The following PPP1R9B variants were observed in gnomAD, a reference collection of about 807,000 sequenced individuals.
The protein encoded by PPP1R9B is protein phosphatase 1 regulatory subunit 9B.
In PPP1R9B, 17 loss-of-function variants were observed where a neutral mutation model predicts 75.8. The ratio of observed to expected loss-of-function variants is 0.22; its 90% CI spans 0.15 to 0.34. The LOEUF (loss-of-function observed/expected upper bound fraction) is 0.34. Among genes scored for constraint, PPP1R9B ranks in the 10% least tolerant of loss-of-function variants. The probability of loss-of-function intolerance (pLI) is 1.00; values close to 1 mark genes in which losing one functional copy is unlikely to be tolerated. For missense variants in PPP1R9B, 875 were observed against 1,196.0 expected (o/e 0.73, Z 3.96); for synonymous variants, 509 against 535.4 (o/e 0.95, Z 0.68).
intron 3 of PPP1R9B, among the ~76,000 whole-genome samples, chr17:50,143,305 C>T (rs761645306): frequency 6.6e-6 from 1 of 152,200 alleles, no homozygotes; most frequent in Non-Finnish European, 1.5e-5. Flanking sequence ...AGGGCCCAAA[C>T]TGTACTCCAG....
chr17:50,145,189 G>A lies in PPP1R9B; in HGVS notation c.1428C>T (p.Pro476=), dbSNP rs1028448267. The A allele has an allele frequency of 3.1e-6, 5 of 1,613,918 alleles. No homozygotes were observed. In the African/African-American group the frequency reaches 4.0e-5, roughly 13 times the overall value. ...DYDRRNEDVD[P]MAASAEYELE... is the part of the protein sequence containing the mutation. ...GCTCGTACTCAGCAGAGGCTGCCAT[G>A]GGATCCACATCCTCGTTGCGACGAT... Residue 476 remains proline, a synonymous_variant, in exon 2 of 10, where the codon CCC becomes CCT. Coordinates refer to ENST00000612501, the MANE Select transcript of PPP1R9B (RefSeq NM_032595.5).
Position 50,136,119 on chromosome 17 carries a change from C to A in PPP1R9B, c.2152G>T (p.Glu718Ter). The change falls in exon 8 of 10, where the codon GAG becomes TAG. Residue 718 changes from glutamate (E) to a stop codon, truncating the protein, a stop_gained. Transcript: ENST00000612501. LOFTEE classifies it high-confidence loss of function. ...QLEQSVEENK[E>*]RMEKLEGYWG... is the part of the protein sequence containing the mutation. ...TAGCCTTCCAGTTTCTCCATGCGCTCCTTGTTCTCCTCCACACTCTGCTCC... is the reference window on the plus strand; with the variant it reads ...TAGCCTTCCAGTTTCTCCATGCGCTACTTGTTCTCCTCCACACTCTGCTCC... 6.2e-7 allele frequency: 1 copy of A among 1,609,042 alleles called. No homozygotes were observed.
chr17:50,141,403 C>A (rs1912373810), intron 3 of PPP1R9B, 30 bp from the exon 4 acceptor site: 5 of 1,491,992 alleles, frequency 3.4e-6, no homozygotes, highest in Non-Finnish European at 4.6e-6. Flanking sequence ...TAAGGGGTCA[C>A]AGGGGAACCG....
intron 3 of PPP1R9B, 48 bp from the exon 4 acceptor site, chr17:50,141,421 A>C: frequency 3.0e-6 from 4 of 1,325,216 alleles, no homozygotes; most frequent in Non-Finnish European, 4.2e-6. Context: ...CCGAGGAGCG[A>C]GGGTAGAGGT....
rs532244325 is a variant in PPP1R9B, at chr17:50,133,905, G to C, written c.*1426C>G. On this transcript the variant is annotated 3_prime_UTR_variant, in exon 10 of 10. Coordinates refer to ENST00000612501, the MANE Select transcript of PPP1R9B (RefSeq NM_032595.5). ...GAAGCGGCCCCGCCCACCCGGTTCC[G>C]CCCCCTCCATCTGCCGGGGTGAAGT... 7.3e-5 allele frequency: 11 copies of C among 151,122 alleles called. No individual in the cohort carries two copies. Among genetic ancestry groups the C allele is most frequent in the African/African-American group, 2.7e-4 (11 of 41,306 alleles). The allele number at this position is 151,122 out of a possible 1,614,324, so 9.4% of individuals were successfully genotyped here. A position where few individuals can be genotyped will look rare whatever the true frequency, so the allele number is the denominator to read the frequency against.
chr17:50,147,911 C>G (rs1912556533), intron 1 of PPP1R9B, among the ~76,000 whole-genome samples: 1 of 152,098 alleles, frequency 6.6e-6, no homozygotes, highest in Admixed American at 6.5e-5. Context: ...CTTCAGAGTC[C>G]AGGAGTAGTT....
chr17:50,135,875 C>T, intron 8 of PPP1R9B, 93 bp downstream of exon 8: 3 of 1,070,204 alleles, frequency 2.8e-6, no homozygotes, highest in Non-Finnish European at 4.0e-6. Flanking sequence ...AACTTCTGTG[C>T]CTCCCTACTC....
At chr17:50,141,209 C>T (rs568062485) in intron 4 of PPP1R9B, 60 bp downstream of exon 4, 279 of 1,121,840 alleles carry the variant, frequency 2.5e-4, no homozygotes, top group Non-Finnish European at 3.4e-4. Context: ...GGCAGGTGAA[C>T]GGAGTGCCTG....
chr17:50,144,824 G>C (rs1266581398), intron 2 of PPP1R9B, among the ~76,000 whole-genome samples: 1 of 152,198 alleles, frequency 6.6e-6, no homozygotes, highest in African/African-American at 2.4e-5. Context: ...CCCCAACACA[G>C]AGCCCAGGAC....
intron 8 of PPP1R9B, 141 bp downstream of exon 8, chr17:50,135,827 G>T: frequency 2.3e-6 from 2 of 865,114 alleles, no homozygotes; most frequent in Non-Finnish European, 3.5e-6. Context: ...CTGATGCCTG[G>T]TCATTCCGGA....
At position 50,133,792 on chromosome 17, in the gene PPP1R9B, C is replaced by T. The variant is rs898069180; in HGVS notation, c.*1539G>A. ...ACAGAGGGCATGGTCCGTACAAAAC[C>T]GGGAACAATACATACATATATATAT... On this transcript the variant is annotated 3_prime_UTR_variant, in exon 10 of 10. Transcript: ENST00000612501. 5 of 152,232 alleles carry T rather than the reference C, an allele frequency of 3.3e-5. No individual in the cohort carries two copies. Among genetic ancestry groups the T allele is most frequent in the South Asian group, 2.1e-4 (1 of 4,834 alleles). 9.4% of individuals were successfully genotyped at this position (152,232 alleles called of 1,614,324 possible).
At chr17:50,140,872 C>T (rs892128850) in intron 4 of PPP1R9B, among the ~76,000 whole-genome samples, 8 of 152,070 alleles carry the variant, frequency 5.3e-5, no homozygotes, top group African/African-American at 1.7e-4. Flanking sequence ...GGAGTCTTCC[C>T]AGGATGACAT....
At chr17:50,148,274 C>A (rs570490193) in intron 1 of PPP1R9B, among the ~76,000 whole-genome samples, 1 of 152,370 alleles carries the variant, frequency 6.6e-6, no homozygotes, top group African/African-American at 2.4e-5. Flanking sequence ...GCTCCCATCC[C>A]TCTTTCAGGG....
intron 8 of PPP1R9B, 127 bp downstream of exon 8, chr17:50,135,841 G>T: frequency 1.1e-6 from 1 of 894,342 alleles, no homozygotes; most frequent in East Asian, 2.6e-5. Context: ...TTCCGGACCG[G>T]GTGTCCCCAC....
chr17:50,149,285 A>G lies in PPP1R9B; in HGVS notation c.1229T>C (p.Leu410Pro). The change falls in exon 1 of 10, where the codon CTG becomes CCG. Residue 410 changes from leucine to proline, a missense_variant. By Grantham distance (98) the Leu-to-Pro change is moderately conservative. Transcript: ENST00000612501. This position sits in a 1 kb window ranked among gnomAD's most constrained non-coding sequence, Gnocchi z 7.2. ...GLGEDSAGSA[L>P]EEDDEDDEED... ...CTCGTCGTCTTCGTCGTCCTCCTCC[A>G]GGGCACTGCCCGCAGAGTCCTCCCC... is the stretch of plus-strand genomic sequence containing the variant. 1 of 1,612,302 alleles carries G rather than the reference A, an allele frequency of 6.2e-7. No homozygotes were observed. The highest frequency in any genetic ancestry group is 8.5e-7 in the Non-Finnish European group (1 of 1,179,464).
chr17:50,136,920 C>T (rs1912247736), intron 7 of PPP1R9B, among the ~76,000 whole-genome samples: 1 of 152,214 alleles, frequency 6.6e-6, no homozygotes, highest in Non-Finnish European at 1.5e-5. Flanking sequence ...CTGCACAAAC[C>T]TATGCCTCCT....
chr17:50,150,084 G>A lies in PPP1R9B; in HGVS notation c.430C>T (p.Leu144=). 1 of 1,413,458 alleles carries A rather than the reference G, an allele frequency of 7.1e-7. No individual in the cohort carries two copies. The highest frequency in any genetic ancestry group is 9.2e-7 in the Non-Finnish European group (1 of 1,089,698). The allele number at this position is 1,413,458 out of a possible 1,614,324, so 87.6% of individuals were successfully genotyped here. A position where few individuals can be genotyped will look rare whatever the true frequency, so the allele number is the denominator to read the frequency against. The change falls in exon 1 of 10, where the codon CTG becomes TTG. Residue 144 remains leucine (L), a synonymous_variant. Transcript: ENST00000612501. The surrounding 1 kb of genome is among the most constrained non-coding windows in gnomAD (Gnocchi z 8.7). Reference sequence around the variant, plus strand: ...TCGAACAGCTTCCGCGTCTCCTGCAGCCGGGACGGCGGGTGCGGCGGCGGC... The same window carrying A: ...TCGAACAGCTTCCGCGTCTCCTGCAACCGGGACGGCGGGTGCGGCGGCGGC... The part of the protein sequence containing the change: ...PAPPPHPPSR[L]QETRKLFERS...
At position 50,139,393 on chromosome 17, in the gene PPP1R9B, T is replaced by A. The variant is rs766632860; in HGVS notation, c.2019+36A>T. 7.4e-6 allele frequency: 12 copies of A among 1,612,902 alleles called. No homozygotes were observed. The highest frequency in any genetic ancestry group is 8.5e-6 in the Non-Finnish European group (10 of 1,179,256). On this transcript the variant is annotated intron_variant, in intron 6 of 9. Coordinates refer to ENST00000612501, the MANE Select transcript of PPP1R9B (RefSeq NM_032595.5). The surrounding 1 kb of genome is among the most constrained non-coding windows in gnomAD (Gnocchi z 5.0). ...GCCAAGGGCAGGAGACCTGCCTGCC[T>A]TTCCCTCCACCACTCCAGGGAGCCC...
Position 50,139,034 on chromosome 17 carries a change from A to G in PPP1R9B, c.2073+229T>C, listed in dbSNP as rs940049466. Among the ~76,000 whole-genome samples the G allele has an allele frequency of 6.6e-6, 1 of 152,222 alleles. No individual in the cohort carries two copies. Among genetic ancestry groups the G allele is most frequent in the African/African-American group, 2.4e-5 (1 of 41,464 alleles). On this transcript the variant is annotated intron_variant, in intron 7 of 9. Transcript: ENST00000612501. The surrounding 1 kb of genome is among the most constrained non-coding windows in gnomAD (Gnocchi z 5.0). The stretch of plus-strand genomic sequence containing the variant: ...GTGGTGTTGGTGCTATTACGACCTC[A>G]TTTTATAGATGAGGAGGCTGAGGCA...
Sources: gnomAD v4.1 joint callset for allele counts (sites outside exome capture counted in the v4.1 genomes callset) on GRCh38, gnomAD v4.1.1 for gene constraint, Gnocchi (gnomAD v3.1) non-coding constraint, MANE v1.5 for transcripts, NCBI Gene and HGNC (gene_info 2026-07-23, HGNC 2026-07-21) for gene names.